CALM3: variants seen among roughly 807,000 people sequenced by gnomAD.
CALM3 encodes the protein calmodulin-3.
A neutral mutation model predicts 20.1 loss-of-function variants in CALM3; 5 were observed. The ratio of observed to expected loss-of-function variants is 0.25; its 90% CI spans 0.13 to 0.52. The LOEUF (loss-of-function observed/expected upper bound fraction) is 0.52. Ranked by LOEUF, CALM3 falls within the 20% of genes least tolerant of loss-of-function variation. The pLI is 0.96. For synonymous variants in CALM3, 69 were observed against 68.1 expected (o/e 1.01, Z -0.06); for missense variants, 57 against 192.8 (o/e 0.30, Z 4.17).
At chr19:46,603,917 G>T (rs1047810807) in intron 1 of CALM3, among the ~76,000 whole-genome samples, 1 of 152,124 alleles carries the variant, frequency 6.6e-6, no homozygotes, top group African/African-American at 2.4e-5. Context: ...CTTCAGAGCC[G>T]CTCGGGGCAG....
upstream of CALM3, chr19:46,601,103 A>T (rs1266587879): frequency 1.1e-6 from 1 of 939,680 alleles, no homozygotes; most frequent in Non-Finnish European, 1.5e-6. This position sits in a 1 kb window ranked among gnomAD's most constrained non-coding sequence, Gnocchi z 4.2. Context: ...CGGCGACGGG[A>T]GCGAGCGCGC....
At chr19:46,607,199 ACT>A (rs1489518506) in intron 2 of CALM3, among the ~76,000 whole-genome samples, 1 of 150,610 alleles carries the variant, frequency 6.6e-6, no homozygotes, top group Non-Finnish European at 1.5e-5. Flanking sequence ...CCCCAAAGAG[ACT>A]CTTGCCATGT....
chr19:46,601,421 C>A lies in CALM3; in HGVS notation c.-14C>A, dbSNP rs201296349. On this transcript the variant is annotated 5_prime_UTR_variant, in exon 1 of 6. Transcript: ENST00000291295. This position sits in a 1 kb window ranked among gnomAD's most constrained non-coding sequence, Gnocchi z 4.2. ...AACCTTGATCCCCGTGCTCCGGACA[C>A]CCCGGGCCTCGCCATGGTGAGTGAG... is the stretch of plus-strand genomic sequence containing the variant. The A allele has an allele frequency of 0.015, 22,626 of 1,504,984 alleles. 227 individuals are homozygous for A. Among genetic ancestry groups the A allele is most frequent in the Middle Eastern group, 0.029 (145 of 5,032 alleles). 93.2% of individuals were successfully genotyped at this position (1,504,984 alleles called of 1,614,324 possible). A position where few individuals can be genotyped will look rare whatever the true frequency, so the allele number is the denominator to read the frequency against.
chr19:46,601,399 C>T lies in CALM3; in HGVS notation c.-36C>T. On this transcript the variant is annotated 5_prime_UTR_variant, in exon 1 of 6. Coordinates refer to ENST00000291295, the MANE Select transcript of CALM3 (RefSeq NM_005184.4). The surrounding 1 kb of genome is among the most constrained non-coding windows in gnomAD (Gnocchi z 4.2). ...CAGCTGCTGCCGCCGCCGGAGGAAC[C>T]TTGATCCCCGTGCTCCGGACACCCC... is the stretch of plus-strand genomic sequence containing the variant. The T allele has an allele frequency of 6.0e-6, 9 of 1,507,406 alleles. No individual in the cohort carries two copies. The highest frequency in any genetic ancestry group is 8.0e-6 in the Non-Finnish European group (9 of 1,130,874). 93.4% of individuals were successfully genotyped at this position (1,507,406 alleles called of 1,614,324 possible). A position where few individuals can be genotyped will look rare whatever the true frequency, so the allele number is the denominator to read the frequency against.
At chr19:46,609,032 C>G in intron 5 of CALM3, 51 bp downstream of exon 5, 1 of 1,609,152 alleles carries the variant, frequency 6.2e-7, no homozygotes, top group Non-Finnish European at 8.5e-7. Flanking sequence ...ATCGCAGCTT[C>G]AGGAACAAGC....
Position 46,605,019 on chromosome 19 carries a change from C to G in CALM3, c.4-808C>G, listed in dbSNP as rs1301080135. Among the ~76,000 whole-genome samples, 1 of 152,118 alleles carries G rather than the reference C, an allele frequency of 6.6e-6. No homozygotes were observed. Among genetic ancestry groups the G allele is most frequent in the East Asian group, 1.9e-4 (1 of 5,190 alleles). On this transcript the variant is annotated intron_variant, in intron 1 of 5. Transcript: ENST00000291295. This position sits in a 1 kb window ranked among gnomAD's most constrained non-coding sequence, Gnocchi z 4.1. ...GCATGCAGCAAGGGCTGCCTGCCAC[C>G]CACTGGCCAGTCCCCAGAGTGCCCA... is the stretch of plus-strand genomic sequence containing the variant.
chr19:46,609,056 T>A, intron 5 of CALM3, 69 bp from the exon 6 acceptor site: 1 of 1,613,066 alleles, frequency 6.2e-7, no homozygotes, highest in Non-Finnish European at 8.5e-7. Context: ...CAGATCCCTC[T>A]TGTTGGGGAG....
At position 46,608,142 on chromosome 19, in the gene CALM3, T is replaced by C; in HGVS notation, c.35-55T>C. ...AGGGAAGGCATCCAGCATCCAGAGG[T>C]AAGGATTCTCCTGTGGACCTTGTGA... On this transcript the variant is annotated intron_variant, in intron 2 of 5. Coordinates refer to ENST00000291295, the MANE Select transcript of CALM3 (RefSeq NM_005184.4). This position sits in a 1 kb window ranked among gnomAD's most constrained non-coding sequence, Gnocchi z 5.5. 1 of 1,566,290 alleles carries C rather than the reference T, an allele frequency of 6.4e-7. No individual in the cohort carries two copies. The highest frequency in any genetic ancestry group is 8.7e-7 in the Non-Finnish European group (1 of 1,150,740).
At chr19:46,606,608 G>T (rs1363507969) in intron 2 of CALM3, among the ~76,000 whole-genome samples, 1 of 152,154 alleles carries the variant, frequency 6.6e-6, no homozygotes, top group African/African-American at 2.4e-5. Flanking sequence ...TGCCTAGAAC[G>T]TAGTAGGTCC....
At chr19:46,602,908 C>A (rs918328412) in intron 1 of CALM3, among the ~76,000 whole-genome samples, 1 of 152,180 alleles carries the variant, frequency 6.6e-6, no homozygotes, top group Non-Finnish European at 1.5e-5. Flanking sequence ...AATCAGATGC[C>A]TATTCCCGTG....
chr19:46,606,451 T>G (rs897388713), intron 2 of CALM3: 8 of 152,452 alleles, frequency 5.2e-5, no homozygotes, highest in African/African-American at 1.7e-4. Context: ...TTTACTCTCC[T>G]TCACATCACT....
chr19:46,601,378 T>G lies in CALM3; in HGVS notation c.-57T>G. The stretch of plus-strand genomic sequence containing the variant: ...GCGGCGGAGCTGGAACTGCTGCAGC[T>G]GCTGCCGCCGCCGGAGGAACCTTGA... On this transcript the variant is annotated 5_prime_UTR_variant, in exon 1 of 6. Transcript: ENST00000291295. The surrounding 1 kb of genome is among the most constrained non-coding windows in gnomAD (Gnocchi z 4.2). 6.7e-7 allele frequency: 1 copy of G among 1,487,886 alleles called. No homozygotes were observed. Among genetic ancestry groups the G allele is most frequent in the Non-Finnish European group, 8.9e-7 (1 of 1,120,000 alleles). The allele number at this position is 1,487,886 out of a possible 1,614,324, so 92.2% of individuals were successfully genotyped here. A position where few individuals can be genotyped will look rare whatever the true frequency, so the allele number is the denominator to read the frequency against.
rs1436873521 is a variant in CALM3 at position 46,610,194 on chromosome 19, G to A, written c.*1041G>A. ...ACAGTCTTGTCGGCCAGCTGCCCAGGGGACGGCAGCTACAGCAGCCTCTGC... is the reference window on the plus strand; with the variant it reads ...ACAGTCTTGTCGGCCAGCTGCCCAGAGGACGGCAGCTACAGCAGCCTCTGC... On this transcript the variant is annotated 3_prime_UTR_variant, in exon 6 of 6. Transcript: ENST00000291295. 1 of 152,594 alleles carries A rather than the reference G, an allele frequency of 6.6e-6. No individual in the cohort carries two copies. Among genetic ancestry groups the A allele is most frequent in the African/African-American group, 2.4e-5 (1 of 41,400 alleles). 9.5% of individuals were successfully genotyped at this position (152,594 alleles called of 1,614,324 possible). A position where few individuals can be genotyped will look rare whatever the true frequency, so the allele number is the denominator to read the frequency against.
In CALM3 at chr19:46,605,711, C is replaced by A; in HGVS notation, c.4-116C>A. The A allele has an allele frequency of 1.1e-6, 1 of 950,048 alleles. No homozygotes were observed. Among genetic ancestry groups the A allele is most frequent in the Non-Finnish European group, 1.7e-6 (1 of 592,412 alleles). 58.9% of individuals were successfully genotyped at this position (950,048 alleles called of 1,614,324 possible). A position where few individuals can be genotyped will look rare whatever the true frequency, so the allele number is the denominator to read the frequency against. On this transcript the variant is annotated intron_variant, in intron 1 of 5. Transcript: ENST00000291295. The surrounding 1 kb of genome is among the most constrained non-coding windows in gnomAD (Gnocchi z 4.1). ...GACTCTGGCATGCTCCTCCCTGGCC[C>A]GGCGGGAATGGCACGTGGAGCTGGC...
rs375106354 is a variant in CALM3, at chr19:46,608,321, C to T, written c.159C>T (p.Ile53=). Residue 53 remains isoleucine (I), a synonymous_variant, in exon 3 of 6, where the codon ATC becomes ATT. Transcript: ENST00000291295. This position sits in a 1 kb window ranked among gnomAD's most constrained non-coding sequence, Gnocchi z 5.5. ...NPTEAELQDM[I]NEVDADGNGT... ...CTGAAGCAGAGCTGCAGGATATGAT[C>T]AATGAGGTGGATGCAGATGGTGAGC... 6 of 1,614,114 alleles carry T rather than the reference C, an allele frequency of 3.7e-6. No individual in the cohort carries two copies.
rs933365405 is a variant in CALM3 at position 46,603,668 on chromosome 19, T to C, written c.4-2159T>C. ...TTCAGGTCTAGAAAGGGAAGAAACC[T>C]TGAGCAAGGATCAATGATATCTTCT... On this transcript the variant is annotated intron_variant, in intron 1 of 5. Transcript: ENST00000291295. Among the ~76,000 whole-genome samples, 8 of 152,334 alleles carry C rather than the reference T, an allele frequency of 5.3e-5. No homozygotes were observed. The East Asian group carries it at 1.5e-3, about 29-fold the overall frequency.
upstream of CALM3, chr19:46,601,257 C>T (rs1971604731): frequency 8.3e-6 from 3 of 361,770 alleles, no homozygotes; most frequent in Non-Finnish European, 8.0e-6. The surrounding 1 kb of genome is among the most constrained non-coding windows in gnomAD (Gnocchi z 4.2). Context: ...CCGAGCGAGG[C>T]GGGGCGCGCG....
Position 46,609,319 on chromosome 19 carries a change from T to C in CALM3, c.*166T>C. The C allele has an allele frequency of 1.5e-6, 1 of 681,188 alleles. No individual in the cohort carries two copies. The highest frequency in any genetic ancestry group is 2.6e-6 in the Non-Finnish European group (1 of 386,100). The allele number at this position is 681,188 out of a possible 1,614,324, so 42.2% of individuals were successfully genotyped here. On this transcript the variant is annotated 3_prime_UTR_variant, in exon 6 of 6. Transcript: ENST00000291295. ...GATTTGTCCCAAGCTGCATGATTGC[T>C]CTTTCTCCTTCTTCCCTGAGTCTCT...
At position 46,610,282 on chromosome 19, in the gene CALM3, T is replaced by G. The variant is rs993013464; in HGVS notation, c.*1129T>G. The G allele has an allele frequency of 1.3e-5, 2 of 153,058 alleles. No individual in the cohort carries two copies. Among genetic ancestry groups the G allele is most frequent in the East Asian group, 3.8e-4 (2 of 5,198 alleles). 9.5% of individuals were successfully genotyped at this position (153,058 alleles called of 1,614,324 possible). On this transcript the variant is annotated 3_prime_UTR_variant, in exon 6 of 6. Transcript: ENST00000291295. Reference sequence around the variant, plus strand: ...ACTTGGCGCCGCTTCCTCACATCTGTGCTCCGTGCCCTCTTCCCTGCCTCT... The same window carrying G: ...ACTTGGCGCCGCTTCCTCACATCTGGGCTCCGTGCCCTCTTCCCTGCCTCT...
Sources: allele counts gnomAD v4.1 joint callset (sites outside exome capture counted in the v4.1 genomes callset), GRCh38; gene constraint gnomAD v4.1.1; non-coding constraint Gnocchi (gnomAD v3.1); transcripts MANE v1.5; gene names NCBI Gene and HGNC (gene_info 2026-07-23, HGNC 2026-07-21).